HERPUD2: variants seen among roughly 807,000 people sequenced by gnomAD.
HERPUD2 encodes homocysteine-responsive endoplasmic reticulum-resident ubiquitin-like domain member 2 protein.
Under a neutral mutation model 49.9 loss-of-function variants are expected in HERPUD2, and 13 were observed. The ratio of observed to expected loss-of-function variants is 0.26; its 90% CI spans 0.17 to 0.41. The LOEUF (loss-of-function observed/expected upper bound fraction) is 0.41, where lower values mean the gene tolerates loss of function less well. Among genes scored for constraint, HERPUD2 ranks in the 10% least tolerant of loss-of-function variants. HERPUD2 has a pLI of 1.00. For synonymous variants in HERPUD2, 172 were observed against 171.4 expected, an observed-to-expected ratio of 1.00 and a Z score of -0.03; for missense variants, 449 against 492.2, an observed-to-expected ratio of 0.91 and a Z score of 0.83.
At chr7:35,637,160 AAGATAGAT>A (rs201529201) in intron 6 of HERPUD2, among the ~76,000 whole-genome samples, 7,868 of 143,902 alleles carry the variant, frequency 0.055, 471 homozygotes, top group East Asian at 0.15. Context: ...GAAAGAAAGA[AAGATAGAT>A]AGATAGATAG....
At chr7:35,679,503 T>A (rs1188868702) in intron 2 of HERPUD2, among the ~76,000 whole-genome samples, 1 of 152,162 alleles carries the variant, frequency 6.6e-6, no homozygotes. Flanking sequence ...TTCTGACTTT[T>A]GAAAGGAGAA....
intron 5 of HERPUD2, among the ~76,000 whole-genome samples, chr7:35,663,464 T>C (rs1338794201): frequency 1.3e-5 from 2 of 152,154 alleles, no homozygotes; most frequent in African/African-American, 4.8e-5. Flanking sequence ...CCTTATTAAC[T>C]TTCTGTCTCG....
At chr7:35,679,641 T>C (rs1313457120) in intron 2 of HERPUD2, among the ~76,000 whole-genome samples, 1 of 152,182 alleles carries the variant, frequency 6.6e-6, no homozygotes, top group East Asian at 1.9e-4. Context: ...TCTGCTAAAT[T>C]TCCCATCCAA....
At chr7:35,657,558 C>G (rs1410796286) in intron 5 of HERPUD2, among the ~76,000 whole-genome samples, 1 of 137,938 alleles carries the variant, frequency 7.2e-6, no homozygotes, top group African/African-American at 2.7e-5. Context: ...GGAGTATGAT[C>G]ATGCTGCTGC....
At chr7:35,686,375 G>C (rs1287915371) in intron 2 of HERPUD2, among the ~76,000 whole-genome samples, 1 of 148,214 alleles carries the variant, frequency 6.7e-6, no homozygotes, top group Admixed American at 6.8e-5. Flanking sequence ...TTTTAGTAGA[G>C]ACGGGGTTTC....
Position 35,634,417 on chromosome 7 carries a change from T to C in HERPUD2, c.954A>G (p.Gly318=). 2 of 1,607,798 alleles carry C rather than the reference T, an allele frequency of 1.2e-6. No individual in the cohort carries two copies. The highest frequency in any genetic ancestry group is 1.7e-6 in the Non-Finnish European group (2 of 1,174,276). ...AMLLVYLHQA[G]WFPFRQEGGH... is the part of the protein sequence containing the mutation. ...CTCCTTCTTGCCTAAAAGGAAACCA[T>C]CCAGCTTGGTGTCTGTTCAGTAAAA... The change falls in exon 8 of 9, where the codon GGA becomes GGG. Residue 318 remains glycine (G), a synonymous_variant. Coordinates refer to ENST00000311350, the MANE Select transcript of HERPUD2 (RefSeq NM_022373.5).
Position 35,689,693 on chromosome 7 carries a change from A to C in HERPUD2, c.147+4491T>G, listed in dbSNP as rs1251871136. Among the ~76,000 whole-genome samples the C allele has an allele frequency of 4.6e-5, 7 of 152,216 alleles. No homozygotes were observed. In the South Asian group the frequency reaches 6.2e-4, roughly 13 times the overall value. On this transcript the variant is annotated intron_variant, in intron 2 of 8. Coordinates refer to ENST00000311350, the MANE Select transcript of HERPUD2 (RefSeq NM_022373.5). ...AGGAACAGTTTGAAAAAACAGCACAAACCTGCTTAACTGATCAGGAGAGGT... is the reference window on the plus strand; with the variant it reads ...AGGAACAGTTTGAAAAAACAGCACACACCTGCTTAACTGATCAGGAGAGGT...
intron 6 of HERPUD2, among the ~76,000 whole-genome samples, chr7:35,636,744 A>G (rs1175086980): frequency 6.6e-6 from 1 of 152,218 alleles, no homozygotes; most frequent in Non-Finnish European, 1.5e-5. Context: ...GTCTGGAGGA[A>G]GGACAAGGAT....
rs553149646 is a variant in HERPUD2, at chr7:35,694,407, G to C, written c.-77C>G. On this transcript the variant is annotated 5_prime_UTR_variant, in exon 2 of 9. Transcript: ENST00000311350. ...GAGCCGAGATGGTCACCGCCGGCGCGACTGGGATGAGGACAGAAGTGAGTT... is the reference window on the plus strand; with the variant it reads ...GAGCCGAGATGGTCACCGCCGGCGCCACTGGGATGAGGACAGAAGTGAGTT... 1.8e-4 allele frequency: 263 copies of C among 1,485,864 alleles called. No homozygotes were observed. In the East Asian group the frequency reaches 2.1e-3, roughly 12 times the overall value. The allele number at this position is 1,485,864 out of a possible 1,614,324, so 92.0% of individuals were successfully genotyped here.
chr7:35,665,787 C>T (rs1397572684), intron 5 of HERPUD2, among the ~76,000 whole-genome samples: 7 of 152,170 alleles, frequency 4.6e-5, no homozygotes, highest in African/African-American at 1.7e-4. Context: ...GAGCTGAATG[C>T]TTTTGTCTTT....
intron 5 of HERPUD2, among the ~76,000 whole-genome samples, chr7:35,661,648 A>C (rs999898395): frequency 5.3e-5 from 8 of 152,074 alleles, no homozygotes; most frequent in Non-Finnish European, 1.0e-4. Flanking sequence ...TGTGAATGGG[A>C]GTTCACTCAT....
intron 2 of HERPUD2, among the ~76,000 whole-genome samples, chr7:35,676,650 A>C (rs1197991636): frequency 6.6e-6 from 1 of 152,236 alleles, no homozygotes; most frequent in Non-Finnish European, 1.5e-5. Flanking sequence ...TTCAGTAAGC[A>C]GAGCTAGAAA....
intron 2 of HERPUD2, among the ~76,000 whole-genome samples, chr7:35,674,827 G>C (rs1785725708): frequency 6.6e-6 from 1 of 152,160 alleles, no homozygotes; most frequent in Admixed American, 6.5e-5. Context: ...AGTTCCTCAA[G>C]AGTGGATGGG....
intron 2 of HERPUD2, 128 bp downstream of exon 2, chr7:35,694,056 A>C: frequency 1.1e-6 from 1 of 910,268 alleles, no homozygotes; most frequent in Non-Finnish European, 1.7e-6. Context: ...CAGAACTCAA[A>C]ATACCTCGCG....
chr7:35,637,362 T>C (rs1784888952), intron 6 of HERPUD2, among the ~76,000 whole-genome samples: 3 of 152,186 alleles, frequency 2.0e-5, no homozygotes, highest in African/African-American at 7.2e-5. Context: ...TAACTCTTCA[T>C]AAAATACTGC....
chr7:35,673,297 A>G lies in HERPUD2; in HGVS notation c.148-19T>C. On this transcript the variant is annotated intron_variant, in intron 2 of 8. Transcript: ENST00000311350. Reference sequence around the variant, plus strand: ...TCGTCAACTAAGAAATGGGACAAAGAAAAGAATTCAACTTTTCTAATTATG... The same window carrying G: ...TCGTCAACTAAGAAATGGGACAAAGGAAAGAATTCAACTTTTCTAATTATG... The G allele has an allele frequency of 6.3e-7, 1 of 1,582,300 alleles. No individual in the cohort carries two copies. The highest frequency in any genetic ancestry group is 8.6e-7 in the Non-Finnish European group (1 of 1,157,398).
chr7:35,655,009 G>A (rs1785244567), intron 5 of HERPUD2, among the ~76,000 whole-genome samples: 1 of 152,014 alleles, frequency 6.6e-6, no homozygotes, highest in Non-Finnish European at 1.5e-5. Flanking sequence ...CATGCACCAC[G>A]ACGCCCAGCT....
At chr7:35,674,416 G>GTTT (rs1785713668) in intron 2 of HERPUD2, among the ~76,000 whole-genome samples, 2 of 30,812 alleles carry the variant, frequency 6.5e-5, no homozygotes, top group Non-Finnish European at 1.2e-4. Context: ...GAGAGAGAGA[G>GTTT]AGAGAGAGAG....
At chr7:35,675,876 G>A (rs1379034452) in intron 2 of HERPUD2, among the ~76,000 whole-genome samples, 2 of 152,010 alleles carry the variant, frequency 1.3e-5, no homozygotes, top group Admixed American at 1.3e-4. Flanking sequence ...CTGGGCTCAA[G>A]TAATCCTCCC....
Sources: allele counts gnomAD v4.1 joint callset (sites outside exome capture counted in the v4.1 genomes callset), GRCh38; gene constraint gnomAD v4.1.1; transcripts MANE v1.5; gene names NCBI Gene and HGNC (gene_info 2026-07-23, HGNC 2026-07-21).